The following WDR62 variants were observed in gnomAD, a reference collection of about 807,000 sequenced individuals.
WDR62 encodes the protein WD repeat-containing protein 62.
A neutral mutation model predicts 160.6 loss-of-function variants in WDR62; 112 were observed. That is an observed-to-expected ratio of 0.70 (90% CI 0.60 to 0.82). The LOEUF is 0.82. Among genes scored for constraint, WDR62 ranks in the 40% least tolerant of loss-of-function variants. The probability of loss-of-function intolerance (pLI) is 0.00; values close to 1 mark genes in which losing one functional copy is unlikely to be tolerated. For missense variants in WDR62, 1,819 were observed against 1,983.8 expected (o/e 0.92, Z 1.58); for synonymous variants, 792 against 815.1 (o/e 0.97, Z 0.48).
intron 5 of WDR62, among the ~76,000 whole-genome samples, 182 bp from the exon 6 acceptor site, chr19:36,067,122 CCT>C (rs1970981690): frequency 2.0e-5 from 3 of 152,172 alleles, no homozygotes; most frequent in African/African-American, 7.2e-5. Context: ...TCTGTCCCTT[CCT>C]CTGTCGGTGA....
intron 7 of WDR62, among the ~76,000 whole-genome samples, chr19:36,070,085 C>G (rs376895758): frequency 6.7e-6 from 1 of 150,124 alleles, no homozygotes; most frequent in East Asian, 1.9e-4. Flanking sequence ...ATTGGAGGTA[C>G]CATTGATTTA....
intron 18 of WDR62, 25 bp from the exon 19 acceptor site, chr19:36,092,662 TTG>T (rs757842225): frequency 5.3e-5 from 85 of 1,613,624 alleles, no homozygotes; most frequent in Non-Finnish European, 1.4e-5. Flanking sequence ...TTCCTCTGCC[TTG>T]TGTGTCTCTC....
In WDR62 at chr19:36,100,779, A is replaced by G. The variant is rs1242733312; in HGVS notation, c.2771A>G (p.His924Arg). ...AGTCCCCAGGAAGCTGGCCGCGGGCACCCCTCCTTCCTGCCCCAGCAGAAG... is the reference window on the plus strand; with the variant it reads ...AGTCCCCAGGAAGCTGGCCGCGGGCGCCCCTCCTTCCTGCCCCAGCAGAAG... Reference protein sequence around the residue: ...SESPQEAGRGHPSFLPQQKES... With the variant: ...SESPQEAGRGRPSFLPQQKES... Residue 924 changes from histidine to arginine, a missense_variant, in exon 23 of 32, where the codon CAC becomes CGC. Transcript: ENST00000401500. The G allele has an allele frequency of 1.2e-6, 2 of 1,614,050 alleles. No individual in the cohort carries two copies. Among genetic ancestry groups the G allele is most frequent in the Non-Finnish European group, 1.7e-6 (2 of 1,180,004 alleles).
chr19:36,082,318 C>T (rs1182777352), intron 10 of WDR62, among the ~76,000 whole-genome samples: 7 of 152,104 alleles, frequency 4.6e-5, no homozygotes, highest in African/African-American at 9.7e-5. Context: ...CTGGGACATC[C>T]GGAGCAGCTT....
At chr19:36,106,604 A>ACACATCCAGGCCGACAG (rs1255293890), downstream of WDR62, among the ~76,000 whole-genome samples, 3 of 152,174 alleles carry the variant, frequency 2.0e-5, no homozygotes, top group African/African-American at 7.2e-5. Context: ...CATCTCAGGA[A>ACACATCCAGGCCGACAG]CACATCCAGG....
At chr19:36,067,796 C>T in intron 6 of WDR62, 32 bp from the exon 7 acceptor site, 1 of 1,611,684 alleles carries the variant, frequency 6.2e-7, no homozygotes, top group Non-Finnish European at 8.5e-7. Context: ...GCTGTGTGGA[C>T]AAGTATCTCA....
At chr19:36,059,351 C>T (rs569756326) in intron 2 of WDR62, among the ~76,000 whole-genome samples, 2 of 152,274 alleles carry the variant, frequency 1.3e-5, no homozygotes, top group Non-Finnish European at 2.9e-5. Context: ...GGGTTTGTTT[C>T]CTTATCTATA....
rs182224610 is a variant in WDR62 at position 36,086,846 on chromosome 19, C to T, written c.1768+34C>T. On this transcript the variant is annotated intron_variant, in intron 13 of 31. Coordinates refer to ENST00000401500, the MANE Select transcript of WDR62 (RefSeq NM_001083961.2). ...CTTTCTTCCCGCTCCCTGCGCCTTG[C>T]TAGCTACCCTGCTAAAAAAGGATTC... is the stretch of plus-strand genomic sequence containing the variant. The T allele has an allele frequency of 2.8e-4, 454 of 1,600,376 alleles. 2 individuals carry two copies. In the African/African-American group the frequency reaches 5.6e-3, roughly 20 times the overall value.
In WDR62 at chr19:36,091,328, G is replaced by A. The variant is rs1291072101; in HGVS notation, c.2146+17G>A. On this transcript the variant is annotated intron_variant, in intron 17 of 31. Transcript: ENST00000401500. ...GCCATTCAGGTGGGTGTGCCTCTCT[G>A]CTTGGGATGCCTCCCCACCCGCCCA... The A allele has an allele frequency of 1.2e-6, 2 of 1,613,520 alleles. No individual in the cohort carries two copies. Among genetic ancestry groups the A allele is most frequent in the Admixed American group, 3.3e-5 (2 of 60,014 alleles).
intron 21 of WDR62, among the ~76,000 whole-genome samples, chr19:36,097,598 CAG>C (rs1188508554): frequency 1.3e-5 from 2 of 151,982 alleles, no homozygotes; most frequent in South Asian, 2.1e-4. Context: ...AGAAAAAGAA[CAG>C]GGGCCCAGCA....
At chr19:36,108,981 A>C (rs1973758553), downstream of WDR62, among the ~76,000 whole-genome samples, 2 of 152,066 alleles carry the variant, frequency 1.3e-5, no homozygotes, top group Admixed American at 1.3e-4. Context: ...GGGAAGAGGG[A>C]GATTCCTTAG....
intron 13 of WDR62, 74 bp from the exon 14 acceptor site, chr19:36,088,964 G>A (rs1020967035): frequency 1.9e-6 from 3 of 1,539,062 alleles, no homozygotes; most frequent in Non-Finnish European, 2.7e-6. Flanking sequence ...GGCTCTTGCA[G>A]TGGAGTTCCC....
At chr19:36,082,771 GA>G (rs1304221782) in intron 10 of WDR62, among the ~76,000 whole-genome samples, 1 of 152,218 alleles carries the variant, frequency 6.6e-6, no homozygotes, top group African/African-American at 2.4e-5. Flanking sequence ...ATGTCCTCAT[GA>G]CCCAGTGTGG....
Position 36,103,999 on chromosome 19 carries a change from G to A in WDR62, c.4153+18G>A. 1 of 1,597,132 alleles carries A rather than the reference G, an allele frequency of 6.3e-7. No individual in the cohort carries two copies. The highest frequency in any genetic ancestry group is 1.1e-5 in the South Asian group (1 of 90,998). ...CACCTCCGGTGAGTACAGCCCTGGA[G>A]CAAGGACTGTCCCCTAAGCTCATCC... On this transcript the variant is annotated intron_variant, in intron 30 of 31. Coordinates refer to ENST00000401500, the MANE Select transcript of WDR62 (RefSeq NM_001083961.2).
Position 36,103,462 on chromosome 19 carries a change from C to T in WDR62, c.3634C>T (p.Pro1212Ser). Residue 1212 changes from proline to serine, a missense_variant, in exon 30 of 32, where the codon CCC (proline) becomes TCC (serine). Physicochemically the swap from Pro to Ser is moderately conservative, Grantham distance 74. Around this residue, in one of 3 missense-constraint regions of WDR62, gnomAD observed 770 missense variants for 734.2 expected, o/e 1.05. Transcript: ENST00000401500. ...AGGCCTGGCTCAGGGTGTCCATGCC[C>T]CCTCCACCTGTTCCTACATGGAGGC... Reference protein sequence around the residue: ...TPGLAQGVHAPSTCSYMEATA... With the variant: ...TPGLAQGVHASSTCSYMEATA... 1 of 1,614,166 alleles carries T rather than the reference C, an allele frequency of 6.2e-7. No individual in the cohort carries two copies. Among genetic ancestry groups the T allele is most frequent in the Non-Finnish European group, 8.5e-7 (1 of 1,180,026 alleles).
At chr19:36,083,573 G>A (rs1016994) in intron 11 of WDR62, among the ~76,000 whole-genome samples, 5,372 of 152,272 alleles carry the variant, frequency 0.035, 133 homozygotes, top group East Asian at 0.11. Context: ...GAAGATGCCA[G>A]CTGGAGGAGG....
In WDR62 at chr19:36,089,316, G is replaced by C. The variant is rs754255570; in HGVS notation, c.1958+10G>C. The C allele has an allele frequency of 6.2e-7, 1 of 1,614,218 alleles. No individual in the cohort carries two copies. Among genetic ancestry groups the C allele is most frequent in the Non-Finnish European group, 8.5e-7 (1 of 1,180,042 alleles). ...AGGACCGCAATGTGAGGTAAGGGGTGGCCCTGGACCCTTAGCTGGCCTGGT... is the reference window on the plus strand; with the variant it reads ...AGGACCGCAATGTGAGGTAAGGGGTCGCCCTGGACCCTTAGCTGGCCTGGT... On this transcript the variant is annotated intron_variant, in intron 15 of 31. Transcript: ENST00000401500.
intron 7 of WDR62, 141 bp from the exon 8 acceptor site, chr19:36,071,415 A>G: frequency 1.0e-6 from 1 of 959,152 alleles, no homozygotes; most frequent in South Asian, 1.3e-5. Context: ...CACAAATCTT[A>G]AAATATGCTA....
intron 15 of WDR62, 138 bp downstream of exon 15, chr19:36,089,444 T>C: frequency 7.1e-7 from 1 of 1,403,848 alleles, no homozygotes. Context: ...CTTGGTTTTT[T>C]TTTGTTTTTG....
Sources: allele counts gnomAD v4.1 joint callset (sites outside exome capture counted in the v4.1 genomes callset), GRCh38; gene constraint gnomAD v4.1.1; regional missense constraint gnomAD v4.1.1; transcripts MANE v1.5; gene names NCBI Gene and HGNC (gene_info 2026-07-23, HGNC 2026-07-21).